RAPGEF5: variants seen among roughly 807,000 people sequenced by gnomAD.
RAPGEF5 encodes the protein Rap guanine nucleotide exchange factor 5.
A neutral mutation model predicts 125.2 loss-of-function variants in RAPGEF5; 65 were observed. The observed-to-expected ratio is 0.52, with a 90% CI of 0.43 to 0.64. RAPGEF5 has a LOEUF of 0.64. Ranked by LOEUF, RAPGEF5 falls within the 30% of genes least tolerant of loss-of-function variation. The probability of loss-of-function intolerance (pLI) is 0.00; values close to 1 mark genes in which losing one functional copy is unlikely to be tolerated. For missense variants in RAPGEF5, 958 were observed against 1,048.1 expected (o/e 0.91, Z 1.19); for synonymous variants, 391 against 385.9 (o/e 1.01, Z -0.16).
In RAPGEF5 at chr7:22,273,099, A is replaced by T. The variant is rs73282210; in HGVS notation, c.748-6087T>A. ...CTCCACCAAATAGTTTATTTAACAG[A>T]TAGTTATTTCCCCAATAACTGCTGT... On this transcript the variant is annotated intron_variant, in intron 6 of 25. Coordinates refer to ENST00000665637, the MANE Select transcript of RAPGEF5 (RefSeq NM_012294.5). Among the ~76,000 whole-genome samples, 279 of 151,916 alleles carry T rather than the reference A, an allele frequency of 1.8e-3. 3 individuals carry two copies. The highest frequency in any genetic ancestry group is 6.5e-3 in the African/African-American group (270 of 41,442).
chr7:22,194,982 C>T (rs547400553), intron 9 of RAPGEF5, among the ~76,000 whole-genome samples: 10 of 152,136 alleles, frequency 6.6e-5, no homozygotes, highest in Non-Finnish European at 1.5e-4. Flanking sequence ...GATGCATGTC[C>T]GAAAATCTAG....
chr7:22,125,694 G>T (rs1197001623), intron 24 of RAPGEF5, 36 bp from the exon 25 acceptor site: 2 of 1,557,950 alleles, frequency 1.3e-6, no homozygotes, highest in East Asian at 2.2e-5. Flanking sequence ...CAATGGAAGG[G>T]TCGTTGAGGG....
At chr7:22,356,482 A>G in intron 1 of RAPGEF5, 1 of 157,834 alleles carries the variant, frequency 6.3e-6, no homozygotes, top group Non-Finnish European at 1.4e-5. Context: ...CGGTTGGGAC[A>G]GGGCTGGCTG....
At chr7:22,341,977 C>G (rs1784138022) in intron 1 of RAPGEF5, among the ~76,000 whole-genome samples, 1 of 152,160 alleles carries the variant, frequency 6.6e-6, no homozygotes, top group East Asian at 1.9e-4. Context: ...AGAGCTGTCC[C>G]CCAGTAGGGA....
chr7:22,169,969 C>T (rs1784299849), intron 11 of RAPGEF5, among the ~76,000 whole-genome samples: 1 of 150,160 alleles, frequency 6.7e-6, no homozygotes, highest in Admixed American at 6.7e-5. Context: ...CAAGATTATG[C>T]CACTGCACTT....
chr7:22,308,629 T>A, intron 4 of RAPGEF5, 122 bp from the exon 5 acceptor site: 1 of 799,268 alleles, frequency 1.3e-6, no homozygotes, highest in African/African-American at 1.8e-5. Context: ...ACTATAATTA[T>A]ACATTCTAAG....
intron 5 of RAPGEF5, among the ~76,000 whole-genome samples, chr7:22,292,704 AG>A (rs1782961269): frequency 6.6e-6 from 1 of 152,242 alleles, no homozygotes; most frequent in African/African-American, 2.4e-5. Flanking sequence ...CAGGAAATTA[AG>A]AACCAAAGGC....
At chr7:22,148,433 C>G (rs1313262193) in intron 18 of RAPGEF5, among the ~76,000 whole-genome samples, 3 of 152,232 alleles carry the variant, frequency 2.0e-5, no homozygotes, top group Non-Finnish European at 4.4e-5. Context: ...TATCTCATTC[C>G]TTCAGTGCTC....
chr7:22,321,976 G>A (rs189310593), intron 1 of RAPGEF5, among the ~76,000 whole-genome samples: 64 of 152,160 alleles, frequency 4.2e-4, no homozygotes, highest in Middle Eastern at 3.4e-3. Context: ...GCCAGATTAC[G>A]GCCTTGAGAA....
At chr7:22,144,821 C>A (rs1783378606) in intron 20 of RAPGEF5, among the ~76,000 whole-genome samples, 1 of 152,188 alleles carries the variant, frequency 6.6e-6, no homozygotes, top group African/African-American at 2.4e-5. Context: ...AGGCAGAGAG[C>A]ACAGTGCTTC....
At chr7:22,141,534 A>G (rs973844546) in intron 20 of RAPGEF5, among the ~76,000 whole-genome samples, 2 of 152,222 alleles carry the variant, frequency 1.3e-5, no homozygotes, top group African/African-American at 2.4e-5. Context: ...CAGGTTAGGT[A>G]CTGCCTGAGT....
At chr7:22,199,427 G>C (rs954522495) in intron 9 of RAPGEF5, among the ~76,000 whole-genome samples, 1 of 147,218 alleles carries the variant, frequency 6.8e-6, no homozygotes, top group African/African-American at 2.5e-5. Context: ...GGGGCTCCCA[G>C]TATATAAGCT....
chr7:22,257,984 A>G (rs1284167607), intron 7 of RAPGEF5, among the ~76,000 whole-genome samples: 1 of 152,228 alleles, frequency 6.6e-6, no homozygotes, highest in Non-Finnish European at 1.5e-5. Context: ...AATTATATGC[A>G]TTGGTAAACA....
intron 7 of RAPGEF5, among the ~76,000 whole-genome samples, chr7:22,242,154 T>C (rs1210726558): frequency 6.6e-6 from 1 of 152,174 alleles, no homozygotes; most frequent in Non-Finnish European, 1.5e-5. Flanking sequence ...GCCAGAGAGA[T>C]GGCCGAGGGT....
Position 22,136,693 on chromosome 7 carries a change from C to T in RAPGEF5, c.2328+240G>A, listed in dbSNP as rs117908043. On this transcript the variant is annotated intron_variant, in intron 22 of 25. Transcript: ENST00000665637. ...GAAATGGACTATACTTAAAAGCCTGCCTTCTGAAAAAATCACACTAAAAGG... is the reference window on the plus strand; with the variant it reads ...GAAATGGACTATACTTAAAAGCCTGTCTTCTGAAAAAATCACACTAAAAGG... Among the ~76,000 whole-genome samples, 478 of 152,128 alleles carry T rather than the reference C, an allele frequency of 3.1e-3. 3 individuals carry two copies. The highest frequency in any genetic ancestry group is 5.5e-3 in the Non-Finnish European group (371 of 67,996).
rs77553019 is a variant in RAPGEF5 at position 22,190,720 on chromosome 7, A to T, written c.1204+2647T>A. Among the ~76,000 whole-genome samples the T allele has an allele frequency of 7.3e-3, 1,108 of 152,254 alleles. 19 individuals carry two copies. The highest frequency in any genetic ancestry group is 0.026 in the African/African-American group (1,068 of 41,520). ...TGGGTCCTGCACCTACATTTTCACAAATTAGTGACTTTTGTGGGAAAGCGA... is the reference window on the plus strand; with the variant it reads ...TGGGTCCTGCACCTACATTTTCACATATTAGTGACTTTTGTGGGAAAGCGA... On this transcript the variant is annotated intron_variant, in intron 11 of 25. Coordinates refer to ENST00000665637, the MANE Select transcript of RAPGEF5 (RefSeq NM_012294.5).
chr7:22,314,831 G>T (rs1289342041), intron 3 of RAPGEF5, among the ~76,000 whole-genome samples: 1 of 151,990 alleles, frequency 6.6e-6, no homozygotes, highest in African/African-American at 2.4e-5. Flanking sequence ...CCATGCCCTT[G>T]GTCCAGCTGT....
rs148191787 is a variant in RAPGEF5 at position 22,175,831 on chromosome 7, T to C, written c.1205-8683A>G. 4.2e-3 allele frequency among the ~76,000 whole-genome samples: 645 copies of C among 152,354 alleles called. 5 individuals carry two copies. Among genetic ancestry groups the C allele is most frequent in the African/African-American group, 0.014 (592 of 41,584 alleles). On this transcript the variant is annotated intron_variant, in intron 11 of 25. Transcript: ENST00000665637. ...TAACAACTGAATCAACTTAGGACAT[T>C]GTAATGTTTTTACCTCTCAAGCACC...
intron 11 of RAPGEF5, among the ~76,000 whole-genome samples, chr7:22,167,361 T>TA (rs1407776052): frequency 6.6e-6 from 1 of 152,214 alleles, no homozygotes; most frequent in Non-Finnish European, 1.5e-5. Context: ...AGCAATAAGA[T>TA]ATTTTTGTTG....
Sources: gnomAD v4.1 joint callset for allele counts (sites outside exome capture counted in the v4.1 genomes callset) on GRCh38, gnomAD v4.1.1 for gene constraint, MANE v1.5 for transcripts, NCBI Gene and HGNC (gene_info 2026-07-23, HGNC 2026-07-21) for gene names.